POM121C: variants seen among roughly 807,000 people sequenced by gnomAD.
POM121C encodes POM121 transmembrane nucleoporin C.
POM121C carries 20 observed loss-of-function variants against 66.4 expected under a neutral mutation model. The ratio of observed to expected loss-of-function variants is 0.30; its 90% confidence interval spans 0.21 to 0.44. The LOEUF is 0.44. Among genes scored for constraint, POM121C ranks in the 20% least tolerant of loss-of-function variants. POM121C has a pLI of 1.00. For missense variants in POM121C, 580 were observed against 1,225.7 expected (o/e 0.47, Z 7.87); for synonymous variants, 286 against 528.0 (o/e 0.54, Z 6.28).
At chr7:75,481,644 T>TA (rs1563161931) in intron 1 of POM121C, among the ~76,000 whole-genome samples, 2 of 152,032 alleles carry the variant, frequency 1.3e-5, no homozygotes, top group Non-Finnish European at 2.9e-5. Context: ...CTGGGCAACA[T>TA]AGAGAAACCT....
At chr7:75,467,137 G>C (rs1265921800) in intron 3 of POM121C, among the ~76,000 whole-genome samples, 22 of 152,202 alleles carry the variant, frequency 1.4e-4, no homozygotes, top group Admixed American at 1.4e-3. Flanking sequence ...TGGTTCTCTT[G>C]CTTGGCCAGT....
At chr7:75,443,938 CAAAA>C (rs1186150939) in intron 3 of POM121C, among the ~76,000 whole-genome samples, 3 of 30,130 alleles carry the variant, frequency 1.0e-4, no homozygotes, top group Non-Finnish European at 2.2e-4. Context: ...GAGTCCATCT[CAAAA>C]AAAAAAAAAA....
At chr7:75,443,005 C>A (rs1252649371) in intron 3 of POM121C, among the ~76,000 whole-genome samples, 1 of 152,140 alleles carries the variant, frequency 6.6e-6, no homozygotes, top group Non-Finnish European at 1.5e-5. Flanking sequence ...ATAAAAGGAC[C>A]CGAGACCTAT....
chr7:75,479,073 C>G (rs1460396776), intron 1 of POM121C, among the ~76,000 whole-genome samples: 2 of 151,638 alleles, frequency 1.3e-5, no homozygotes, highest in Non-Finnish European at 2.9e-5. Flanking sequence ...AAAATGTAAG[C>G]AGGAAGACAA....
At chr7:75,468,401 T>C (rs1225344897) in intron 3 of POM121C, among the ~76,000 whole-genome samples, 1 of 134,482 alleles carries the variant, frequency 7.4e-6, no homozygotes, top group Non-Finnish European at 1.5e-5. Context: ...CACTGCAACC[T>C]CTACCTCCCA....
At chr7:75,430,349 G>A (rs75462802) in intron 7 of POM121C, among the ~76,000 whole-genome samples, 11,091 of 152,190 alleles carry the variant, frequency 0.073, 506 homozygotes, top group Non-Finnish European at 0.1. Flanking sequence ...GTCTAGAAAT[G>A]GACCCACATA....
At chr7:75,480,871 T>C (rs1414490043) in intron 1 of POM121C, among the ~76,000 whole-genome samples, 3 of 151,982 alleles carry the variant, frequency 2.0e-5, no homozygotes, top group Admixed American at 6.6e-5. Context: ...AAATGAACTA[T>C]AGTTTAGATA....
At chr7:75,438,049 T>C (rs1355461680) in intron 6 of POM121C, among the ~76,000 whole-genome samples, 1 of 152,160 alleles carries the variant, frequency 6.6e-6, no homozygotes, top group Non-Finnish European at 1.5e-5. Flanking sequence ...CACAGGTGTA[T>C]GCGTGTCAAA....
intron 1 of POM121C, among the ~76,000 whole-genome samples, chr7:75,479,652 T>TA (rs1554479847): frequency 5.8e-5 from 8 of 137,788 alleles, no homozygotes; most frequent in South Asian, 2.4e-4. Flanking sequence ...AATAAATAAA[T>TA]ACAGTTTAAT....
At chr7:75,477,281 A>G (rs1388037144) in intron 1 of POM121C, among the ~76,000 whole-genome samples, 2 of 152,180 alleles carry the variant, frequency 1.3e-5, no homozygotes, top group Non-Finnish European at 2.9e-5. Context: ...AGAGGAATAT[A>G]ACTAAGAAAA....
In POM121C at chr7:75,421,957, A is replaced by C; in HGVS notation, c.2295T>G (p.Pro765=). The C allele has an allele frequency of 6.2e-7, 1 of 1,613,836 alleles. No homozygotes were observed. Among genetic ancestry groups the C allele is most frequent in the Non-Finnish European group, 8.5e-7 (1 of 1,179,880 alleles). The change falls in exon 13 of 15, where the codon CCT becomes CCG. Residue 765 remains proline (P), a synonymous_variant. Coordinates refer to ENST00000615331, the MANE Select transcript of POM121C (RefSeq NM_001099415.3). ...CCGAGTGCGTGGCACCGCCAAAGGT[A>C]GGCTGGATGGGCGTAGGCACGTGCG... ...VPAHVPTPIQ[P]TFGGATHSAF...
intron 3 of POM121C, among the ~76,000 whole-genome samples, chr7:75,469,001 C>A (rs1217806978): frequency 6.6e-6 from 1 of 152,250 alleles, no homozygotes; most frequent in African/African-American, 2.4e-5. Flanking sequence ...CAACTCCATT[C>A]TTAAAGTTCA....
chr7:75,439,504 G>T (rs1244325751), intron 5 of POM121C, among the ~76,000 whole-genome samples: 2 of 152,096 alleles, frequency 1.3e-5, no homozygotes, highest in African/African-American at 4.8e-5. Flanking sequence ...TCCTGCCTCA[G>T]CCTCCAGCGC....
At chr7:75,455,109 A>C (rs1288828643) in intron 3 of POM121C, among the ~76,000 whole-genome samples, 2 of 152,200 alleles carry the variant, frequency 1.3e-5, no homozygotes, top group African/African-American at 4.8e-5. Context: ...TAGGGACCCG[A>C]TGACGAAGAG....
Position 75,423,114 on chromosome 7 carries a change from GCGGCCCTGA to G in POM121C, c.1129_1137del (p.Ser377_Pro379del). ...AAGGAGGGGCTGGGGAGCAGCCCTGGCGGCCCTGACTGTGATAAACCCAGCGGGGGTAGG... is the reference window on the plus strand; with the variant it reads ...AAGGAGGGGCTGGGGAGCAGCCCTGGCTGTGATAAACCCAGCGGGGGTAGG... On this transcript the variant is annotated inframe_deletion, in exon 13 of 15. Transcript: ENST00000615331. 6.5e-7 allele frequency: 1 copy of G among 1,538,628 alleles called. No individual in the cohort carries two copies. The highest frequency in any genetic ancestry group is 8.8e-7 in the Non-Finnish European group (1 of 1,139,358).
intron 11 of POM121C, 83 bp downstream of exon 11, chr7:75,424,443 C>A: frequency 6.5e-7 from 1 of 1,545,992 alleles, no homozygotes; most frequent in Non-Finnish European, 8.9e-7. Flanking sequence ...CCCAGAGAAA[C>A]CCATTTTTCC....
At chr7:75,467,894 C>T (rs1201883725) in intron 3 of POM121C, among the ~76,000 whole-genome samples, 2 of 151,870 alleles carry the variant, frequency 1.3e-5, no homozygotes, top group East Asian at 3.9e-4. Flanking sequence ...CTTTGGGAGG[C>T]CAAGGTGGGC....
intron 3 of POM121C, among the ~76,000 whole-genome samples, chr7:75,447,408 C>G (rs1362869234): frequency 1.4e-5 from 2 of 148,120 alleles, no homozygotes; most frequent in African/African-American, 5.0e-5. Flanking sequence ...TGATATAGAT[C>G]AAATCCTGAA....
intron 3 of POM121C, among the ~76,000 whole-genome samples, chr7:75,472,455 G>A (rs138061288): frequency 0.073 from 11,057 of 151,966 alleles, 504 homozygotes; most frequent in Non-Finnish European, 0.1. Flanking sequence ...AGAGGTTATC[G>A]TGAGCCAAGA....
Sources: allele counts gnomAD v4.1 joint callset (sites outside exome capture counted in the v4.1 genomes callset), GRCh38; gene constraint gnomAD v4.1.1; transcripts MANE v1.5; gene names NCBI Gene and HGNC (gene_info 2026-07-23, HGNC 2026-07-21).